AKAP13: variants seen among roughly 807,000 people sequenced by gnomAD.
AKAP13 encodes A-kinase anchor protein 13.
AKAP13 carries 80 observed loss-of-function variants against 264.5 expected under a neutral mutation model. The ratio of observed to expected loss-of-function variants is 0.30; its 90% CI spans 0.25 to 0.36. AKAP13 has a LOEUF of 0.36. Ranked by LOEUF, AKAP13 falls within the 10% of genes least tolerant of loss-of-function variation. AKAP13 has a pLI of 1.00. For missense variants in AKAP13, 3,712 were observed against 3,435.2 expected (o/e 1.08, Z -2.01); for synonymous variants, 1,380 against 1,250.2 (o/e 1.10, Z -2.19).
At chr15:85,473,255 G>A (rs73450316) in intron 1 of AKAP13, among the ~76,000 whole-genome samples, 24,386 of 152,106 alleles carry the variant, frequency 0.16, 2,635 homozygotes, top group East Asian at 0.31. Context: ...GCGGGTGTGG[G>A]GGTGGGAGTA....
chr15:85,536,017 G>A (rs1047784730), intron 4 of AKAP13: 3 of 152,176 alleles, frequency 2.0e-5, no homozygotes, highest in Non-Finnish European at 2.9e-5. Context: ...GCCCAGGCTG[G>A]TCTTGAACTC....
chr15:85,470,776 G>T (rs557798211), intron 1 of AKAP13, among the ~76,000 whole-genome samples: 14 of 152,312 alleles, frequency 9.2e-5, no homozygotes, highest in South Asian at 4.1e-4. Context: ...TTTAAGCATT[G>T]ACAGTGAAGA....
intron 17 of AKAP13, among the ~76,000 whole-genome samples, chr15:85,694,956 A>AT (rs983082516): frequency 1.3e-5 from 2 of 151,090 alleles, no homozygotes; most frequent in Non-Finnish European, 3.0e-5. Flanking sequence ...CTGAAATCTG[A>AT]TTTTTTTTCT....
At chr15:85,647,658 A>G (rs1454768362) in intron 10 of AKAP13, among the ~76,000 whole-genome samples, 1 of 152,132 alleles carries the variant, frequency 6.6e-6, no homozygotes, top group Non-Finnish European at 1.5e-5. Context: ...AAAACTCCAC[A>G]TTTAGGACCG....
intron 1 of AKAP13, among the ~76,000 whole-genome samples, chr15:85,428,023 A>G (rs922851432): frequency 2.0e-5 from 3 of 152,082 alleles, no homozygotes; most frequent in Admixed American, 2.0e-4. Flanking sequence ...TGAAACCAGA[A>G]TCTCCCACCA....
chr15:85,499,543 G>T (rs568085714), intron 2 of AKAP13, among the ~76,000 whole-genome samples: 2 of 152,118 alleles, frequency 1.3e-5, no homozygotes, highest in African/African-American at 2.4e-5. Flanking sequence ...CATGGATCCC[G>T]TGCTGAGTCA....
intron 1 of AKAP13, among the ~76,000 whole-genome samples, chr15:85,423,287 G>A (rs1246371262): frequency 6.6e-6 from 1 of 152,134 alleles, no homozygotes; most frequent in African/African-American, 2.4e-5. Context: ...ATAGCATTTT[G>A]CCCACAGTAG....
chr15:85,550,957 T>C (rs1354069670), intron 5 of AKAP13, among the ~76,000 whole-genome samples: 1 of 152,246 alleles, frequency 6.6e-6, no homozygotes, highest in East Asian at 1.9e-4. Flanking sequence ...GGTGCTTTAC[T>C]TGCGTTTTCA....
At chr15:85,429,185 T>C (rs530800215) in intron 1 of AKAP13, among the ~76,000 whole-genome samples, 7 of 152,374 alleles carry the variant, frequency 4.6e-5, no homozygotes, top group South Asian at 2.1e-4. Flanking sequence ...TATTTACTTT[T>C]ACACCTCTTG....
At chr15:85,651,407 CCT>C (rs1251092038) in intron 10 of AKAP13, 1 of 152,146 alleles carries the variant, frequency 6.6e-6, no homozygotes, top group African/African-American at 2.4e-5. Context: ...ATATACTTCA[CCT>C]CTGAACACTT....
At chr15:85,442,506 T>C (rs1170302317) in intron 1 of AKAP13, among the ~76,000 whole-genome samples, 1 of 112,818 alleles carries the variant, frequency 8.9e-6, no homozygotes, top group East Asian at 2.4e-4. Flanking sequence ...TATTATATTA[T>C]ATATAATATA....
chr15:85,723,176 C>T lies in AKAP13; in HGVS notation c.6601C>T (p.Leu2201Phe), dbSNP rs778806723. 2 of 1,613,994 alleles carry T rather than the reference C, an allele frequency of 1.2e-6. No individual in the cohort carries two copies. The highest frequency in any genetic ancestry group is 4.5e-5 in the East Asian group (2 of 44,888). The change falls in exon 26 of 37, where the codon CTC becomes TTC. Residue 2201 changes from leucine (L) to phenylalanine (F), a missense_variant. Leu to Phe is a conservative substitution (Grantham distance 22). This residue lies in a region of AKAP13 where 342 missense variants were observed against 484.3 expected (regional missense o/e 0.71). Coordinates refer to ENST00000394518, the MANE Select transcript of AKAP13 (RefSeq NM_007200.5). Reference protein sequence around the residue: ...KVASYEKKVRLNEIYTKTDSK... With the variant: ...KVASYEKKVRFNEIYTKTDSK... ...GGCAAGTTATGAAAAGAAAGTGCGT[C>T]TCAATGAGATTTATACAAAGACAGA...
chr15:85,403,984 T>C (rs1372527223), intron 1 of AKAP13, among the ~76,000 whole-genome samples: 2 of 152,210 alleles, frequency 1.3e-5, no homozygotes, highest in Admixed American at 1.3e-4. Context: ...GAAGGATTGC[T>C]GCCCCAGAGA....
At chr15:85,588,358 C>A (rs890461418) in intron 8 of AKAP13, among the ~76,000 whole-genome samples, 2 of 152,116 alleles carry the variant, frequency 1.3e-5, no homozygotes, top group Admixed American at 6.5e-5. Flanking sequence ...TTGCTTTTAC[C>A]CCTGTGAGAA....
At chr15:85,406,695 T>G (rs2071684897) in intron 1 of AKAP13, among the ~76,000 whole-genome samples, 1 of 151,680 alleles carries the variant, frequency 6.6e-6, no homozygotes. Context: ...TGTTACTGTT[T>G]TAGGAGACAT....
At chr15:85,646,473 T>G (rs1277403017) in intron 10 of AKAP13, among the ~76,000 whole-genome samples, 1 of 152,184 alleles carries the variant, frequency 6.6e-6, no homozygotes, top group Admixed American at 6.5e-5. Flanking sequence ...CAAAGTTATT[T>G]AATGTGAAAT....
intron 1 of AKAP13, among the ~76,000 whole-genome samples, chr15:85,442,908 GCT>G (rs2073760783): frequency 6.6e-6 from 1 of 152,060 alleles, no homozygotes; most frequent in Non-Finnish European, 1.5e-5. Context: ...ATCCCAGAAA[GCT>G]CTGTGAAGCA....
At chr15:85,390,125 G>T (rs2070781853) in intron 1 of AKAP13, among the ~76,000 whole-genome samples, 1 of 152,174 alleles carries the variant, frequency 6.6e-6, no homozygotes, top group African/African-American at 2.4e-5. Context: ...ATTTTTTCAA[G>T]TATCTTTTGT....
At position 85,748,193 on chromosome 15, in the gene AKAP13, A is replaced by C. The variant is rs2089425032; in HGVS notation, c.*3516A>C. ...AGGTTTACTCTAATGATGGTGGCCCAGCTGTGCCCAGAGGACAGCCAGGCA... is the reference window on the plus strand; with the variant it reads ...AGGTTTACTCTAATGATGGTGGCCCCGCTGTGCCCAGAGGACAGCCAGGCA... On this transcript the variant is annotated 3_prime_UTR_variant, in exon 37 of 37. Transcript: ENST00000394518. 2.0e-5 allele frequency: 3 copies of C among 151,002 alleles called. No homozygotes were observed. In the South Asian group the frequency reaches 6.3e-4, roughly 32 times the overall value. The allele number at this position is 151,002 out of a possible 1,614,324, so 9.4% of individuals were successfully genotyped here.
Sources: allele counts gnomAD v4.1 joint callset (sites outside exome capture counted in the v4.1 genomes callset), GRCh38; gene constraint gnomAD v4.1.1; regional missense constraint gnomAD v4.1.1; transcripts MANE v1.5; gene names NCBI Gene and HGNC (gene_info 2026-07-23, HGNC 2026-07-21).